Variants in RASSF3 observed in about 807,000 individuals in gnomAD.
RASSF3 encodes the protein ras association domain-containing protein 3.
Under a neutral mutation model 19.9 loss-of-function variants are expected in RASSF3, and 19 were observed. That is an observed-to-expected ratio of 0.96 (90% confidence interval 0.67 to 1.40). The LOEUF is 1.40. RASSF3 is among the 40% of genes most tolerant of loss of function. The probability of loss-of-function intolerance (pLI) is 0.00; values close to 1 mark genes in which losing one functional copy is unlikely to be tolerated. For synonymous variants in RASSF3, 110 were observed against 104.2 expected (o/e 1.06, Z -0.34); for missense variants, 306 against 289.8 (o/e 1.06, Z -0.41).
At chr12:64,526,684 T>C (rs1490119221) in intron 1 of RASSF3, among the ~76,000 whole-genome samples, 1 of 152,174 alleles carries the variant, frequency 6.6e-6, no homozygotes, top group East Asian at 1.9e-4. Flanking sequence ...ACTGGGACTA[T>C]AGGCACATGC....
intron 1 of RASSF3, among the ~76,000 whole-genome samples, chr12:64,516,491 C>G (rs1289454460): frequency 6.7e-6 from 1 of 149,868 alleles, no homozygotes; most frequent in East Asian, 2.0e-4. Flanking sequence ...TAGTGGCGGG[C>G]GCCTGTAGTC....
chr12:64,604,857 C>A (rs1870159749), intron 2 of RASSF3, among the ~76,000 whole-genome samples: 1 of 151,756 alleles, frequency 6.6e-6, no homozygotes, highest in African/African-American at 2.4e-5. Flanking sequence ...GATCTCCTGA[C>A]CTTGTGATCC....
intron 2 of RASSF3, among the ~76,000 whole-genome samples, chr12:64,590,710 A>C (rs1869906792): frequency 6.6e-6 from 1 of 152,182 alleles, no homozygotes; most frequent in African/African-American, 2.4e-5. Context: ...GCTGACTACC[A>C]ACTATCCACT....
intron 1 of RASSF3, among the ~76,000 whole-genome samples, chr12:64,619,336 T>G (rs923588422): frequency 6.6e-6 from 1 of 152,066 alleles, no homozygotes; most frequent in African/African-American, 2.4e-5. Context: ...TCCCTTTTTT[T>G]TTTCCACATG....
chr12:64,569,917 G>A (rs57415396), intron 2 of RASSF3, among the ~76,000 whole-genome samples: 58,223 of 152,136 alleles, frequency 0.38, 11,370 homozygotes, highest in Middle Eastern at 0.42. Flanking sequence ...GTGAGCCGAG[G>A]CCGTGCCACT....
intron 2 of RASSF3, among the ~76,000 whole-genome samples, chr12:64,589,431 C>T (rs1869877426): frequency 6.6e-6 from 1 of 152,138 alleles, no homozygotes; most frequent in African/African-American, 2.4e-5. Flanking sequence ...GCCTGGGCAA[C>T]AGAGTGAGAC....
chr12:64,563,918 C>G (rs1053501311), intron 2 of RASSF3, among the ~76,000 whole-genome samples: 4 of 152,260 alleles, frequency 2.6e-5, no homozygotes, highest in Admixed American at 1.3e-4. Context: ...TTCTCTCCCC[C>G]ATCTAGAATG....
intron 1 of RASSF3, among the ~76,000 whole-genome samples, chr12:64,624,662 A>G (rs1008459541): frequency 3.7e-4 from 56 of 150,298 alleles, no homozygotes; most frequent in African/African-American, 1.4e-3. Context: ...AATGTTAGCA[A>G]TAGTTATTAT....
rs1299026289 is a variant in RASSF3, at chr12:64,563,350, A to G, written c.294+21645A>G. Among the ~76,000 whole-genome samples the G allele has an allele frequency of 5.3e-5, 8 of 151,670 alleles. No individual in the cohort carries two copies. In the East Asian group the frequency reaches 1.6e-3, roughly 29 times the overall value. On this transcript the variant is annotated intron_variant, in intron 2 of 5. Transcript: ENST00000637125. ...CCCGGCTAAATTTTTTTGTATTTTTAGTAGAGATGGGGTTTCACCATGATG... is the reference window on the plus strand; with the variant it reads ...CCCGGCTAAATTTTTTTGTATTTTTGGTAGAGATGGGGTTTCACCATGATG...
At chr12:64,674,218 T>C (rs1008625868) in intron 1 of RASSF3, among the ~76,000 whole-genome samples, 10 of 152,198 alleles carry the variant, frequency 6.6e-5, no homozygotes, top group Non-Finnish European at 1.0e-4. Context: ...AGGGCTTTTG[T>C]TTGCCTCTGT....
downstream of RASSF3, among the ~76,000 whole-genome samples, chr12:64,543,452 G>GCCTGCCCCCCCGCTGCCCGCCTGC (rs1868985937): frequency 1.8e-4 from 2 of 10,862 alleles, no homozygotes; most frequent in Non-Finnish European, 3.5e-4. Flanking sequence ...GTGCCCGCCC[G>GCCTGCCCCCCCGCTGCCCGCCTGC]CCCCCCGCTC....
intron 1 of RASSF3, chr12:64,507,551 A>G: frequency 5.8e-6 from 2 of 345,408 alleles, no homozygotes; most frequent in Non-Finnish European, 1.0e-5. Context: ...CATTGTTACA[A>G]TCCAATTGTA....
At chr12:64,620,809 TTATGTC>T (rs1471047850) in intron 1 of RASSF3, among the ~76,000 whole-genome samples, 1 of 152,312 alleles carries the variant, frequency 6.6e-6, no homozygotes, top group East Asian at 1.9e-4. Flanking sequence ...TATTGCCAAT[TTATGTC>T]TATTTTTAAG....
chr12:64,546,184 G>T (rs1203013103), downstream of RASSF3, among the ~76,000 whole-genome samples: 1 of 150,826 alleles, frequency 6.6e-6, no homozygotes, highest in South Asian at 2.1e-4. Context: ...ATAATGATAC[G>T]TACTTCATAA....
chr12:64,605,104 G>A (rs570418508), intron 2 of RASSF3, among the ~76,000 whole-genome samples: 2 of 151,906 alleles, frequency 1.3e-5, no homozygotes, highest in South Asian at 2.1e-4. Flanking sequence ...TTCTGCCTCA[G>A]CCTCCTGAGT....
At chr12:64,637,871 C>T (rs898892359) in intron 1 of RASSF3, among the ~76,000 whole-genome samples, 45 of 147,520 alleles carry the variant, frequency 3.1e-4, no homozygotes, top group Admixed American at 8.8e-4. Context: ...CTTGCTCTGT[C>T]GCCAGGCTGG....
chr12:64,619,731 C>T (rs1489609164), intron 1 of RASSF3, among the ~76,000 whole-genome samples: 2 of 152,044 alleles, frequency 1.3e-5, no homozygotes, highest in South Asian at 2.1e-4. Context: ...CCTGTAATCC[C>T]AGCACATTGG....
chr12:64,618,411 C>A (rs1870625802), intron 1 of RASSF3, among the ~76,000 whole-genome samples: 1 of 152,214 alleles, frequency 6.6e-6, no homozygotes, highest in African/African-American at 2.4e-5. Flanking sequence ...ACTGCAACCT[C>A]CACCTCCTGG....
At chr12:64,641,427 CGT>C (rs1379418402) in intron 1 of RASSF3, among the ~76,000 whole-genome samples, 19 of 150,840 alleles carry the variant, frequency 1.3e-4, no homozygotes, top group African/African-American at 4.7e-4. Flanking sequence ...CGCGCGCGCG[CGT>C]TGAAAACAAA....
Sources: allele counts gnomAD v4.1 joint callset (sites outside exome capture counted in the v4.1 genomes callset), GRCh38; gene constraint gnomAD v4.1.1; transcripts MANE v1.5; gene names NCBI Gene and HGNC (gene_info 2026-07-23, HGNC 2026-07-21).